ALG9: variants seen among roughly 807,000 people sequenced by gnomAD.
The protein encoded by ALG9 is ALG9 alpha-1,2-mannosyltransferase, also known as alpha-1,2-mannosyltransferase ALG9.
A neutral mutation model predicts 81.8 loss-of-function variants in ALG9; 55 were observed. The observed-to-expected ratio is 0.67, with a 90% CI of 0.54 to 0.84. ALG9 has a LOEUF of 0.84. Ranked by LOEUF, ALG9 falls within the 40% of genes least tolerant of loss-of-function variation. The pLI is 0.00. For synonymous variants in ALG9, 278 were observed against 274.3 expected, an observed-to-expected ratio of 1.01 and a Z score of -0.13; for missense variants, 629 against 745.0, an observed-to-expected ratio of 0.84 and a Z score of 1.81.
At chr11:111,804,598 A>T (rs1158825406) in intron 14 of ALG9, among the ~76,000 whole-genome samples, 2 of 152,196 alleles carry the variant, frequency 1.3e-5, no homozygotes, top group African/African-American at 4.8e-5. Flanking sequence ...CTCAAAAACA[A>T]ACAAAAAACC....
chr11:111,805,344 G>A (rs1591910753), intron 14 of ALG9: 1 of 455,840 alleles, frequency 2.2e-6, no homozygotes, highest in African/African-American at 2.0e-5. Flanking sequence ...TGTTGTTTAA[G>A]CCACCCAGTT....
intron 14 of ALG9, among the ~76,000 whole-genome samples, chr11:111,805,969 G>A (rs1167823151): frequency 6.6e-6 from 1 of 152,090 alleles, no homozygotes; most frequent in Admixed American, 6.6e-5. Context: ...CAATTCTCAT[G>A]TCTCAGCCTC....
At chr11:111,867,906 G>C (rs1229769111) in intron 3 of ALG9, among the ~76,000 whole-genome samples, 1 of 152,052 alleles carries the variant, frequency 6.6e-6, no homozygotes, top group Non-Finnish European at 1.5e-5. Context: ...TTACCGCCAA[G>C]TGGAGGTAGA....
At position 111,782,364 on chromosome 11, in the gene ALG9, T is replaced by C. The variant is rs1946011038; in HGVS notation, c.*4033A>G. On this transcript the variant is annotated 3_prime_UTR_variant, in exon 15 of 15. Coordinates refer to ENST00000616540, the MANE Select transcript of ALG9 (RefSeq NM_024740.2). ...GATTTCATTTGCAGCATGAATCACCTGGTTATACAGACTGGCAGAAGGCAA... is the reference window on the plus strand; with the variant it reads ...GATTTCATTTGCAGCATGAATCACCCGGTTATACAGACTGGCAGAAGGCAA... The C allele has an allele frequency of 6.6e-6, 1 of 152,592 alleles. No individual in the cohort carries two copies. The highest frequency in any genetic ancestry group is 1.5e-5 in the Non-Finnish European group (1 of 68,038). The allele number at this position is 152,592 out of a possible 1,614,324, so 9.5% of individuals were successfully genotyped here.
chr11:111,862,780 T>C (rs1477304823), intron 4 of ALG9, among the ~76,000 whole-genome samples: 2 of 151,538 alleles, frequency 1.3e-5, no homozygotes, highest in African/African-American at 4.8e-5. Context: ...TGGTCATCTC[T>C]TGTTTCTTGT....
In ALG9 at chr11:111,785,676, C is replaced by A; in HGVS notation, c.*721G>T. 5.0e-6 allele frequency: 1 copy of A among 198,780 alleles called. No individual in the cohort carries two copies. Among genetic ancestry groups the A allele is most frequent in the Non-Finnish European group, 1.0e-5 (1 of 95,928 alleles). 12.3% of individuals were successfully genotyped at this position (198,780 alleles called of 1,614,324 possible). On this transcript the variant is annotated 3_prime_UTR_variant, in exon 15 of 15. Coordinates refer to ENST00000616540, the MANE Select transcript of ALG9 (RefSeq NM_024740.2). Reference sequence around the variant, plus strand: ...AGTCTAGAATTCAAAAAATAGCATGCTAAAACTGAACAAAAAAGCAATACA... The same window carrying A: ...AGTCTAGAATTCAAAAAATAGCATGATAAAACTGAACAAAAAAGCAATACA...
At chr11:111,781,517 G>A (rs983803060), downstream of ALG9, among the ~76,000 whole-genome samples, 3 of 152,162 alleles carry the variant, frequency 2.0e-5, no homozygotes, top group African/African-American at 7.2e-5. Flanking sequence ...AACTGGATTA[G>A]GATTTCTAAG....
At chr11:111,775,033 T>C in the ALG9 span, among the ~76,000 whole-genome samples, 10 of 152,208 alleles carry the variant, frequency 6.6e-5, no homozygotes, top group South Asian at 2.1e-3. Flanking sequence ...GGCAGTCCTC[T>C]CCACTCAGCC....
At chr11:111,776,503 G>A in the ALG9 span, among the ~76,000 whole-genome samples, 46 of 152,216 alleles carry the variant, frequency 3.0e-4, no homozygotes, top group East Asian at 5.8e-4. Context: ...CAGGAGAATC[G>A]CTTGAACCCA....
At chr11:111,806,352 C>T (rs1361557888) in intron 14 of ALG9, among the ~76,000 whole-genome samples, 1 of 152,138 alleles carries the variant, frequency 6.6e-6, no homozygotes, top group African/African-American at 2.4e-5. Context: ...AGTCCCTACA[C>T]CCCCACCCAC....
intron 6 of ALG9, among the ~76,000 whole-genome samples, chr11:111,857,212 T>C (rs1319884329): frequency 2.6e-5 from 4 of 152,196 alleles, no homozygotes; most frequent in Non-Finnish European, 5.9e-5. Flanking sequence ...TGGTGCCGCG[T>C]GGAGAAAACA....
At chr11:111,859,743 C>T (rs938585075) in intron 5 of ALG9, among the ~76,000 whole-genome samples, 1 of 152,064 alleles carries the variant, frequency 6.6e-6, no homozygotes, top group Non-Finnish European at 1.5e-5. Context: ...TGCAGAACAA[C>T]ATCAATTTTG....
intron 14 of ALG9, among the ~76,000 whole-genome samples, chr11:111,806,170 T>C (rs1949900421): frequency 6.6e-6 from 1 of 152,094 alleles, no homozygotes. Context: ...ACACTAAAAA[T>C]TTTTTTAAAA....
chr11:111,866,956 G>A (rs148943805), intron 3 of ALG9, among the ~76,000 whole-genome samples: 1,782 of 152,200 alleles, frequency 0.012, 31 homozygotes, highest in African/African-American at 0.039. Flanking sequence ...TTAGCCACAC[G>A]TGGGGGCTCA....
At chr11:111,849,333 G>T (rs542193824) in intron 8 of ALG9, 1 of 152,308 alleles carries the variant, frequency 6.6e-6, no homozygotes, top group East Asian at 1.9e-4. Flanking sequence ...TTACAGGCGT[G>T]AGCCACCACA....
At chr11:111,861,549 G>A (rs535759055) in intron 4 of ALG9, among the ~76,000 whole-genome samples, 10 of 152,212 alleles carry the variant, frequency 6.6e-5, no homozygotes, top group African/African-American at 2.4e-4. Flanking sequence ...ATAGCTCACT[G>A]TATCCTTGAA....
chr11:111,820,495 G>A (rs764792580), intron 13 of ALG9, among the ~76,000 whole-genome samples: 5 of 152,122 alleles, frequency 3.3e-5, no homozygotes, highest in Non-Finnish European at 7.4e-5. Flanking sequence ...CGGCAATAAT[G>A]GCATTAATCT....
chr11:111,798,513 C>T (rs1210396023), intron 14 of ALG9, among the ~76,000 whole-genome samples: 5 of 152,218 alleles, frequency 3.3e-5, no homozygotes, highest in Admixed American at 3.3e-4. Context: ...TCACTCCTCT[C>T]TGGGGACTCT....
In ALG9 at chr11:111,849,057, C is replaced by CT. The variant is rs555592218; in HGVS notation, c.895+4322dup. 7.6e-3 allele frequency among the ~76,000 whole-genome samples: 995 copies of CT among 131,430 alleles called. 9 individuals are homozygous for CT. The highest frequency in any genetic ancestry group is 0.022 in the African/African-American group (864 of 39,312). 86.2% of individuals were successfully genotyped at this position (131,430 alleles called of 152,430 possible). A position where few individuals can be genotyped will look rare whatever the true frequency, so the allele number is the denominator to read the frequency against. Reference sequence around the variant, plus strand: ...TCAATGTTTCTTTCTTTCTTTCTTTCTTTTTTTTTTTGAGACAGGGTCTCC... The same window carrying CT: ...TCAATGTTTCTTTCTTTCTTTCTTTCTTTTTTTTTTTTGAGACAGGGTCTCC... On this transcript the variant is annotated intron_variant, in intron 8 of 14. Transcript: ENST00000616540.
Sources: gnomAD v4.1 joint callset for allele counts (sites outside exome capture counted in the v4.1 genomes callset) on GRCh38, gnomAD v4.1.1 for gene constraint, MANE v1.5 for transcripts, NCBI Gene and HGNC (gene_info 2026-07-23, HGNC 2026-07-21) for gene names.